The following ABLIM1 variants were observed in gnomAD, a reference collection of about 807,000 sequenced individuals.
ABLIM1 encodes actin-binding LIM protein 1.
ABLIM1 carries 40 observed loss-of-function variants against 107.0 expected under a neutral mutation model. That is an observed-to-expected ratio of 0.37 (90% CI 0.29 to 0.49). The LOEUF (loss-of-function observed/expected upper bound fraction) is 0.49. Among genes scored for constraint, ABLIM1 ranks in the 20% least tolerant of loss-of-function variants. The pLI, the probability that ABLIM1 is intolerant of heterozygous loss-of-function variation, is 0.97. For missense variants in ABLIM1, 857 were observed against 1,008.5 expected (o/e 0.85, Z 2.04); for synonymous variants, 357 against 357.3 (o/e 1.00, Z 0.01).
intron 19 of ABLIM1, chr10:114,440,736 C>G: frequency 1.9e-6 from 1 of 518,558 alleles, no homozygotes; most frequent in South Asian, 1.7e-5. Flanking sequence ...GTTGGGATTG[C>G]AGGCATGAGC....
chr10:114,503,172 T>C (rs2060655856), intron 6 of ABLIM1, among the ~76,000 whole-genome samples: 1 of 152,216 alleles, frequency 6.6e-6, no homozygotes, highest in African/African-American at 2.4e-5. Context: ...TTTGGCTGCT[T>C]TTCTGGGCAT....
At chr10:114,786,908 G>C in the ABLIM1 span, among the ~76,000 whole-genome samples, 1 of 151,898 alleles carries the variant, frequency 6.6e-6, no homozygotes, top group South Asian at 2.1e-4. Context: ...GCCTCTGCCC[G>C]GCGGCCACCC....
chr10:114,748,654 T>C (rs1378755321), intron 1 of ABLIM1, among the ~76,000 whole-genome samples: 1 of 151,282 alleles, frequency 6.6e-6, no homozygotes, highest in Admixed American at 6.6e-5. Context: ...GAAGTTTTTT[T>C]TTTTCTTTTT....
chr10:114,774,502 A>G, the ABLIM1 span, among the ~76,000 whole-genome samples: 3 of 152,212 alleles, frequency 2.0e-5, no homozygotes, highest in Non-Finnish European at 4.4e-5. Flanking sequence ...GAATCTACAG[A>G]AGAGTGTTCT....
intron 1 of ABLIM1, among the ~76,000 whole-genome samples, chr10:114,623,978 G>C (rs995246579): frequency 1.3e-5 from 2 of 152,154 alleles, no homozygotes; most frequent in Non-Finnish European, 2.9e-5. Context: ...TCAGAGAAAA[G>C]AGGTCATGCA....
At chr10:114,798,560 C>CCCG in the ABLIM1 span, among the ~76,000 whole-genome samples, 1 of 138,476 alleles carries the variant, frequency 7.2e-6, no homozygotes, top group Non-Finnish European at 1.5e-5. Context: ...GATGAGACCC[C>CCCG]CCCCCCATGT....
Position 114,558,759 on chromosome 10 carries a change from A to G in ABLIM1, c.674-10983T>C, listed in dbSNP as rs751707237. Among the ~76,000 whole-genome samples, 5 of 152,358 alleles carry G rather than the reference A, an allele frequency of 3.3e-5. No homozygotes were observed. In the South Asian group the frequency reaches 6.2e-4, roughly 19 times the overall value. Reference sequence around the variant, plus strand: ...ACTGCCTCTGTTCATTTCTCTGAACAATAAATAGAAATAGTAATAAGCCTG... The same window carrying G: ...ACTGCCTCTGTTCATTTCTCTGAACGATAAATAGAAATAGTAATAAGCCTG... On this transcript the variant is annotated intron_variant, in intron 4 of 22. Transcript: ENST00000533213.
chr10:114,452,772 G>A (rs895973075), intron 13 of ABLIM1, among the ~76,000 whole-genome samples: 5 of 152,086 alleles, frequency 3.3e-5, no homozygotes, highest in African/African-American at 4.8e-5. Context: ...ATTACTATTT[G>A]CATTATGACA....
At chr10:114,717,991 A>AAAGAAAGAAAGG (rs570354803) in intron 1 of ABLIM1, among the ~76,000 whole-genome samples, 4 of 86,858 alleles carry the variant, frequency 4.6e-5, no homozygotes, top group African/African-American at 1.9e-4. Flanking sequence ...AGAAAGAAAG[A>AAAGAAAGAAAGG]AAGGAAGGAA....
intron 2 of ABLIM1, among the ~76,000 whole-genome samples, chr10:114,580,421 C>T (rs867799826): frequency 3.3e-5 from 5 of 152,178 alleles, no homozygotes; most frequent in Middle Eastern, 3.4e-3. Context: ...CTATATTACA[C>T]AGGCTGGTCT....
chr10:114,708,826 C>T (rs1389145204), intron 1 of ABLIM1, among the ~76,000 whole-genome samples: 6 of 152,156 alleles, frequency 3.9e-5, no homozygotes, highest in African/African-American at 1.4e-4. Flanking sequence ...GGACCACCTT[C>T]AAAGTCCTCA....
chr10:114,626,624 T>G (rs1382843010), intron 1 of ABLIM1, among the ~76,000 whole-genome samples: 1 of 152,174 alleles, frequency 6.6e-6, no homozygotes, highest in African/African-American at 2.4e-5. Flanking sequence ...TCTGCTCCTC[T>G]TCAGTTCTCC....
At chr10:114,696,009 C>A (rs546890794) in intron 1 of ABLIM1, among the ~76,000 whole-genome samples, 2 of 152,330 alleles carry the variant, frequency 1.3e-5, no homozygotes, top group African/African-American at 2.4e-5. Context: ...CTAACTACAG[C>A]CTCCCTGATT....
At chr10:114,758,793 T>C (rs1179832732) in intron 1 of ABLIM1, among the ~76,000 whole-genome samples, 1 of 152,224 alleles carries the variant, frequency 6.6e-6, no homozygotes, top group Non-Finnish European at 1.5e-5. Context: ...AAATATATTA[T>C]GTGATATTTT....
chr10:114,444,012 G>A lies in ABLIM1; in HGVS notation c.1933+17C>T, dbSNP rs1458967883. The A allele has an allele frequency of 1.3e-6, 2 of 1,593,538 alleles. No individual in the cohort carries two copies. Among genetic ancestry groups the A allele is most frequent in the Admixed American group, 1.8e-5 (1 of 56,532 alleles). ...GCTGGCTCTCGAATCAGGGAAGGTT[G>A]GGGGTTTGCTGCTTACCTGAGTTGA... On this transcript the variant is annotated intron_variant, in intron 17 of 22. Coordinates refer to ENST00000533213, the MANE Select transcript of ABLIM1 (RefSeq NM_002313.7).
chr10:114,490,972 A>ATGTG (rs1565576792), intron 7 of ABLIM1, among the ~76,000 whole-genome samples: 4 of 85,034 alleles, frequency 4.7e-5, no homozygotes, highest in Middle Eastern at 5.5e-3. Context: ...CCCGGCATAT[A>ATGTG]TATGTGTGTG....
intron 1 of ABLIM1, among the ~76,000 whole-genome samples, chr10:114,701,976 G>A (rs2081315933): frequency 6.6e-6 from 1 of 152,148 alleles, no homozygotes; most frequent in South Asian, 2.1e-4. Context: ...GCTGGGCGAT[G>A]GGTACTTGAG....
At chr10:114,503,901 T>A (rs1312084769) in intron 6 of ABLIM1, among the ~76,000 whole-genome samples, 1 of 152,208 alleles carries the variant, frequency 6.6e-6, no homozygotes. Flanking sequence ...ATCCTTCTGT[T>A]GCTGGTATCC....
chr10:114,547,628 G>A, intron 5 of ABLIM1, 22 bp downstream of exon 5: 1 of 1,612,760 alleles, frequency 6.2e-7, no homozygotes, highest in Non-Finnish European at 8.5e-7. Flanking sequence ...TGAAAGGAAC[G>A]CGTGCCCGCG....
Sources: gnomAD v4.1 joint callset for allele counts (sites outside exome capture counted in the v4.1 genomes callset) on GRCh38, gnomAD v4.1.1 for gene constraint, MANE v1.5 for transcripts, NCBI Gene and HGNC (gene_info 2026-07-23, HGNC 2026-07-21) for gene names.